The following CADPS variants were observed in gnomAD, a reference collection of about 807,000 sequenced individuals.
The protein encoded by CADPS is calcium dependent secretion activator.
A neutral mutation model predicts 167.3 loss-of-function variants in CADPS; 57 were observed. That is an observed-to-expected ratio of 0.34 (90% CI 0.28 to 0.42). CADPS has a LOEUF of 0.42. Ranked by LOEUF, CADPS falls within the 20% of genes least tolerant of loss-of-function variation. The pLI is 1.00. For synonymous variants in CADPS, 676 were observed against 635.3 expected (o/e 1.06, Z -0.96); for missense variants, 1,414 against 1,738.1 (o/e 0.81, Z 3.32).
At chr3:62,540,866 T>A (rs1013902000) in intron 11 of CADPS, among the ~76,000 whole-genome samples, 14 of 152,136 alleles carry the variant, frequency 9.2e-5, no homozygotes, top group Non-Finnish European at 1.2e-4. Flanking sequence ...CAGTTGGAAT[T>A]GGTTGATTAA....
At chr3:62,810,455 TCA>T (rs2152862465) in intron 1 of CADPS, among the ~76,000 whole-genome samples, 1 of 152,272 alleles carries the variant, frequency 6.6e-6, no homozygotes, top group African/African-American at 2.4e-5. Flanking sequence ...AAGCAGCTTT[TCA>T]AGTACATGCC....
At chr3:62,633,080 T>C (rs1300054287) in intron 6 of CADPS, among the ~76,000 whole-genome samples, 2 of 151,740 alleles carry the variant, frequency 1.3e-5, no homozygotes, top group African/African-American at 4.8e-5. Context: ...TAATAAACAA[T>C]TGCAAACTCC....
intron 7 of CADPS, among the ~76,000 whole-genome samples, chr3:62,591,346 G>C (rs2085967921): frequency 6.6e-6 from 1 of 152,178 alleles, no homozygotes; most frequent in Non-Finnish European, 1.5e-5. Flanking sequence ...AAGGAGCTAA[G>C]ATAGCAAATG....
chr3:62,824,688 T>TA (rs905093480), intron 1 of CADPS, among the ~76,000 whole-genome samples: 3 of 152,038 alleles, frequency 2.0e-5, no homozygotes, highest in East Asian at 3.9e-4. Flanking sequence ...CACCACTTTT[T>TA]AAAAAAAAGG....
intron 6 of CADPS, among the ~76,000 whole-genome samples, chr3:62,619,182 T>C (rs1050837901): frequency 1.9e-4 from 29 of 150,658 alleles, no homozygotes; most frequent in African/African-American, 6.0e-4. Context: ...TTTGCCCTTA[T>C]AGAAAAGTCT....
At chr3:62,689,573 A>G (rs1359613670) in intron 3 of CADPS, among the ~76,000 whole-genome samples, 1 of 151,994 alleles carries the variant, frequency 6.6e-6, no homozygotes, top group Non-Finnish European at 1.5e-5. Flanking sequence ...TTTTTATACC[A>G]TTCTCTGGAG....
At chr3:62,663,324 A>T (rs1236140335) in intron 3 of CADPS, among the ~76,000 whole-genome samples, 1 of 152,192 alleles carries the variant, frequency 6.6e-6, no homozygotes, top group Non-Finnish European at 1.5e-5. Context: ...TATTTACAAC[A>T]GGTGGCAGGC....
chr3:62,718,766 A>G (rs1186473465), intron 3 of CADPS, among the ~76,000 whole-genome samples: 2 of 152,218 alleles, frequency 1.3e-5, no homozygotes, highest in African/African-American at 4.8e-5. Context: ...CCGCATCAGG[A>G]GCATTTTGCT....
intron 1 of CADPS, among the ~76,000 whole-genome samples, chr3:62,851,362 C>A (rs995929250): frequency 3.8e-5 from 5 of 130,404 alleles, no homozygotes; most frequent in African/African-American, 1.4e-4. Flanking sequence ...GCAGTTTCTT[C>A]CTAGTCTCGA....
At position 62,495,741 on chromosome 3, in the gene CADPS, A is replaced by G. The variant is rs541046331; in HGVS notation, c.2707-2076T>C. On this transcript the variant is annotated intron_variant, in intron 18 of 29. Coordinates refer to ENST00000383710, the MANE Select transcript of CADPS (RefSeq NM_003716.4). ...GAGAGATTGGGAAGGTGTAGCAACC[A>G]TACATGAAGGCATAATTCGTGTGTG... is the stretch of plus-strand genomic sequence containing the variant. Among the ~76,000 whole-genome samples the G allele has an allele frequency of 1.1e-4, 17 of 152,352 alleles. No homozygotes were observed. In the South Asian group the frequency reaches 2.9e-3, roughly 26 times the overall value.
chr3:62,442,781 C>G (rs73840190), intron 27 of CADPS, among the ~76,000 whole-genome samples: 1 of 152,064 alleles, frequency 6.6e-6, no homozygotes, highest in Admixed American at 6.5e-5. Context: ...CACCAGGTGA[C>G]CTTGGGCATG....
At chr3:62,820,550 T>C (rs771772815) in intron 1 of CADPS, among the ~76,000 whole-genome samples, 1 of 152,156 alleles carries the variant, frequency 6.6e-6, no homozygotes, top group African/African-American at 2.4e-5. Flanking sequence ...TACTGAAATA[T>C]GAGCTCGGTA....
intron 6 of CADPS, among the ~76,000 whole-genome samples, chr3:62,645,179 T>C (rs1179709721): frequency 2.0e-5 from 3 of 152,100 alleles, no homozygotes; most frequent in Admixed American, 1.3e-4. Flanking sequence ...AATGATACAA[T>C]GGACTTTGGG....
chr3:62,742,969 C>T (rs146256077), intron 3 of CADPS, among the ~76,000 whole-genome samples: 1 of 151,998 alleles, frequency 6.6e-6, no homozygotes, highest in Non-Finnish European at 1.5e-5. Context: ...AGGCAAAGGA[C>T]ATGAACACTT....
At chr3:62,696,773 C>A (rs62242550) in intron 3 of CADPS, among the ~76,000 whole-genome samples, 5,490 of 152,036 alleles carry the variant, frequency 0.036, 123 homozygotes, top group Middle Eastern at 0.085. Flanking sequence ...CTTACTGATC[C>A]AGTAAGGCAT....
chr3:62,826,093 C>T (rs143641753), intron 1 of CADPS, among the ~76,000 whole-genome samples: 3,552 of 152,196 alleles, frequency 0.023, 67 homozygotes, highest in South Asian at 0.062. Flanking sequence ...ATAGCTTTTG[C>T]CTTATCCCAA....
intron 1 of CADPS, among the ~76,000 whole-genome samples, chr3:62,802,386 C>T (rs1019560251): frequency 6.6e-6 from 1 of 152,168 alleles, no homozygotes; most frequent in South Asian, 2.1e-4. Context: ...TTACCACTTT[C>T]TTTACCTAAT....
intron 1 of CADPS, among the ~76,000 whole-genome samples, chr3:62,872,524 A>C (rs890004439): frequency 6.6e-6 from 1 of 152,220 alleles, no homozygotes; most frequent in Non-Finnish European, 1.5e-5. Context: ...GAATAGTTTG[A>C]CCAAATGTCA....
At chr3:62,785,531 C>G (rs920479834) in intron 1 of CADPS, among the ~76,000 whole-genome samples, 1 of 152,176 alleles carries the variant, frequency 6.6e-6, no homozygotes, top group Admixed American at 6.5e-5. Context: ...GGTGAGATCT[C>G]TGGTCATTCC....
Sources: gnomAD v4.1 joint callset for allele counts (sites outside exome capture counted in the v4.1 genomes callset) on GRCh38, gnomAD v4.1.1 for gene constraint, MANE v1.5 for transcripts, NCBI Gene and HGNC (gene_info 2026-07-23, HGNC 2026-07-21) for gene names.